HFM1: variants seen among roughly 807,000 people sequenced by gnomAD.
The protein encoded by HFM1 is helicase for meiosis 1.
HFM1 carries 169 observed loss-of-function variants against 192.1 expected under a neutral mutation model. The observed-to-expected ratio is 0.88, with a 90% confidence interval of 0.78 to 1.00. The LOEUF (loss-of-function observed/expected upper bound fraction) is 1.00, where lower values mean the gene tolerates loss of function less well. Among genes scored for constraint, HFM1 ranks in the 50% least tolerant of loss-of-function variants. The pLI is 0.00. For missense variants in HFM1, 1,661 were observed against 1,668.0 expected (o/e 1.00, Z 0.07); for synonymous variants, 525 against 537.8 (o/e 0.98, Z 0.33).
intron 30 of HFM1, among the ~76,000 whole-genome samples, chr1:91,287,922 GATGAAATGA>G (rs1227218954): frequency 6.6e-6 from 1 of 152,166 alleles, no homozygotes; most frequent in Non-Finnish European, 1.5e-5. Context: ...AGCGATGGAA[GATGAAATGA>G]ATGAAATGAA....
chr1:91,355,384 A>G (rs545647914), intron 13 of HFM1, among the ~76,000 whole-genome samples: 1 of 152,120 alleles, frequency 6.6e-6, no homozygotes, highest in Admixed American at 6.5e-5. Flanking sequence ...CTGAAGGCAA[A>G]TGAATTAAAT....
At chr1:91,329,037 G>A in intron 20 of HFM1, 1 of 1,611,456 alleles carries the variant, frequency 6.2e-7, no homozygotes, top group East Asian at 2.2e-5. Flanking sequence ...CTAGAACCAG[G>A]AACAGTTTGT....
chr1:91,345,752 C>A (rs1012260673), intron 19 of HFM1, among the ~76,000 whole-genome samples: 6 of 152,184 alleles, frequency 3.9e-5, no homozygotes, highest in Non-Finnish European at 8.8e-5. Context: ...CTAAGACCCT[C>A]ATTCCAGGGT....
Position 91,262,066 on chromosome 1 carries a change from A to G in HFM1, c.4238+175T>C, listed in dbSNP as rs1038034186. The G allele has an allele frequency of 2.9e-5, 11 of 385,716 alleles. No homozygotes were observed. The South Asian group carries it at 9.8e-4, about 34-fold the overall frequency. The allele number at this position is 385,716 out of a possible 1,614,324, so 23.9% of individuals were successfully genotyped here. ...GGGTTTTCAAAAACTGAGGTATATG[A>G]TGTTTGAAACATCTTAAAGAGCTTA... On this transcript the variant is annotated intron_variant, in intron 38 of 38. Transcript: ENST00000370425.
At chr1:91,287,692 T>G (rs367555) in intron 30 of HFM1, among the ~76,000 whole-genome samples, 151,763 of 151,960 alleles carry the variant, frequency 1, 75,783 homozygotes, top group East Asian at 1. Flanking sequence ...AGAGAAGAAG[T>G]CTTCAGACGA....
chr1:91,368,323 A>T (rs1659672766), intron 13 of HFM1, among the ~76,000 whole-genome samples: 1 of 152,240 alleles, frequency 6.6e-6, no homozygotes, highest in South Asian at 2.1e-4. Context: ...AAATGAAGGA[A>T]AAAATGTTAA....
intron 13 of HFM1, among the ~76,000 whole-genome samples, chr1:91,368,709 G>A (rs895563464): frequency 1.3e-5 from 2 of 152,124 alleles, no homozygotes; most frequent in Non-Finnish European, 2.9e-5. Context: ...AAAATAACCA[G>A]CTAACATCAT....
At chr1:91,273,361 C>A (rs577490470) in intron 34 of HFM1, among the ~76,000 whole-genome samples, 1 of 152,082 alleles carries the variant, frequency 6.6e-6, no homozygotes, top group East Asian at 1.9e-4. Flanking sequence ...GTTTTATAAA[C>A]ATAAAATTAT....
At chr1:91,392,275 C>T (rs1466476325) in intron 4 of HFM1, among the ~76,000 whole-genome samples, 3 of 152,136 alleles carry the variant, frequency 2.0e-5, no homozygotes, top group African/African-American at 7.2e-5. Context: ...ATAAATCATG[C>T]TACTATAAAG....
chr1:91,291,929 T>C (rs1668810918), intron 30 of HFM1, among the ~76,000 whole-genome samples: 1 of 152,168 alleles, frequency 6.6e-6, no homozygotes, highest in Non-Finnish European at 1.5e-5. Context: ...ATCCAGCATA[T>C]AAACAGAACC....
In HFM1 at chr1:91,377,882, T is replaced by G. The variant is rs1571174064; in HGVS notation, c.1395+143A>C. The G allele has an allele frequency of 5.3e-6, 4 of 751,272 alleles. No homozygotes were observed. The East Asian group carries it at 1.1e-4, about 20-fold the overall frequency. 46.5% of individuals were successfully genotyped at this position (751,272 alleles called of 1,614,324 possible). A position where few individuals can be genotyped will look rare whatever the true frequency, so the allele number is the denominator to read the frequency against. On this transcript the variant is annotated intron_variant, in intron 11 of 38. Transcript: ENST00000370425. ...TTTATGGCCTTAATACTGTTATATT[T>G]ATGAGATCTAGCCACAACTTTCTAC...
chr1:91,403,968 C>A (rs969648181), intron 1 of HFM1, among the ~76,000 whole-genome samples: 1 of 152,102 alleles, frequency 6.6e-6, no homozygotes, highest in Non-Finnish European at 1.5e-5. Flanking sequence ...GAAACATACT[C>A]CTTATTTTAA....
At chr1:91,339,692 GGAGA>G (rs1328212922) in intron 20 of HFM1, among the ~76,000 whole-genome samples, 1 of 151,004 alleles carries the variant, frequency 6.6e-6, no homozygotes, top group East Asian at 2.0e-4. Flanking sequence ...TGAAAGAGAG[GGAGA>G]GAGAGAGAGA....
intron 30 of HFM1, among the ~76,000 whole-genome samples, chr1:91,293,637 G>A (rs1465870651): frequency 6.6e-6 from 1 of 151,450 alleles, no homozygotes; most frequent in Non-Finnish European, 1.5e-5. Flanking sequence ...GGAAGTCAGT[G>A]TGGCGATTCC....
chr1:91,324,834 C>G, intron 20 of HFM1, 68 bp from the exon 21 acceptor site: 1 of 844,852 alleles, frequency 1.2e-6, no homozygotes, highest in Non-Finnish European at 2.0e-6. Flanking sequence ...TTATGTTTAA[C>G]AAACATTTCC....
intron 20 of HFM1, among the ~76,000 whole-genome samples, chr1:91,331,992 A>G (rs942988584): frequency 6.6e-6 from 1 of 152,216 alleles, no homozygotes; most frequent in Admixed American, 6.5e-5. Flanking sequence ...ATGTTCATGG[A>G]TTGGAAAAAT....
Position 91,378,095 on chromosome 1 carries a change from A to C in HFM1, c.1325T>G (p.Leu442Ter). ...MKTVQSVSQT[L>*]KNTSTAIPMR... is the part of the protein sequence containing the mutation. ...TGGAATAGCAGTGCTGGTATTTTTT[A>C]AAGTCTGAGAAACAGACTGTACAGT... Residue 442 changes from leucine (L) to a stop codon, truncating the protein, a stop_gained, in exon 11 of 39, where the codon TTA becomes TGA. Transcript: ENST00000370425. LOFTEE classifies it high-confidence loss of function. The C allele has an allele frequency of 6.2e-7, 1 of 1,611,934 alleles. No individual in the cohort carries two copies. The highest frequency in any genetic ancestry group is 1.3e-5 in the African/African-American group (1 of 74,952).
intron 30 of HFM1, among the ~76,000 whole-genome samples, chr1:91,291,083 C>A (rs1245784015): frequency 6.6e-6 from 1 of 151,654 alleles, no homozygotes; most frequent in Admixed American, 6.6e-5. Flanking sequence ...GCACTAAATG[C>A]CCACAATAGA....
chr1:91,367,113 C>A (rs1283856904), intron 13 of HFM1, among the ~76,000 whole-genome samples: 2 of 152,198 alleles, frequency 1.3e-5, no homozygotes, highest in Non-Finnish European at 2.9e-5. Context: ...AGCCAGGAAG[C>A]TCGAACTGGG....
Sources: allele counts gnomAD v4.1 joint callset (sites outside exome capture counted in the v4.1 genomes callset), GRCh38; gene constraint gnomAD v4.1.1; transcripts MANE v1.5; gene names NCBI Gene and HGNC (gene_info 2026-07-23, HGNC 2026-07-21).